DLG2: variants seen among roughly 807,000 people sequenced by gnomAD.
DLG2 encodes the protein disks large homolog 2.
A neutral mutation model predicts 132.5 loss-of-function variants in DLG2; 45 were observed. The observed-to-expected ratio is 0.34, with a 90% confidence interval of 0.27 to 0.44. The LOEUF (loss-of-function observed/expected upper bound fraction) is 0.44, where lower values mean the gene tolerates loss of function less well. Ranked by LOEUF, DLG2 falls within the 20% of genes least tolerant of loss-of-function variation. The probability of loss-of-function intolerance (pLI) is 1.00; values close to 1 mark genes in which losing one functional copy is unlikely to be tolerated. For missense variants in DLG2, 1,045 were observed against 1,196.9 expected, an observed-to-expected ratio of 0.87 and a Z score of 1.87; for synonymous variants, 424 against 419.6, an observed-to-expected ratio of 1.01 and a Z score of -0.13.
intron 18 of DLG2, among the ~76,000 whole-genome samples, chr11:83,696,869 C>T (rs1448709580): frequency 6.6e-6 from 1 of 152,066 alleles, no homozygotes; most frequent in African/African-American, 2.4e-5. Flanking sequence ...ACTATGGGAG[C>T]CCAAGACAAA....
chr11:84,892,846 C>G (rs545482260), intron 6 of DLG2, among the ~76,000 whole-genome samples: 42 of 152,046 alleles, frequency 2.8e-4, no homozygotes, highest in African/African-American at 9.4e-4. Context: ...ACTTGCCAAC[C>G]CTAGCAACTT....
intron 6 of DLG2, among the ~76,000 whole-genome samples, chr11:84,931,254 C>G (rs1036249399): frequency 6.6e-6 from 1 of 151,886 alleles, no homozygotes; most frequent in South Asian, 2.1e-4. Context: ...ATTTCATCAC[C>G]CAGGTATTAA....
chr11:83,922,821 T>A (rs2078199093), intron 15 of DLG2, among the ~76,000 whole-genome samples: 1 of 152,128 alleles, frequency 6.6e-6, no homozygotes, highest in African/African-American at 2.4e-5. Flanking sequence ...GCAAAATTAA[T>A]GAGATTATTA....
chr11:84,679,163 CA>C (rs56292714), intron 6 of DLG2, among the ~76,000 whole-genome samples: 24 of 151,002 alleles, frequency 1.6e-4, no homozygotes, highest in African/African-American at 5.3e-4. Context: ...AAATAAAAGA[CA>C]AAAAAAACAA....
At position 83,893,510 on chromosome 11, in the gene DLG2, C is replaced by T. The variant is rs375900857; in HGVS notation, c.1497-19022G>A. On this transcript the variant is annotated intron_variant, in intron 15 of 27. Coordinates refer to ENST00000376104, the MANE Select transcript of DLG2 (RefSeq NM_001142699.3). ...TGATTGCTTTACCCCAGGTTTTCTC[C>T]TGGACACCTCCTTTTCATTCAGATC... Among the ~76,000 whole-genome samples the T allele has an allele frequency of 1.1e-4, 16 of 152,338 alleles. No individual in the cohort carries two copies. The South Asian group carries it at 3.1e-3, about 30-fold the overall frequency.
intron 17 of DLG2, among the ~76,000 whole-genome samples, chr11:83,826,575 C>T (rs2052849109): frequency 6.6e-6 from 1 of 152,154 alleles, no homozygotes; most frequent in Non-Finnish European, 1.5e-5. Flanking sequence ...GAGGCAACTT[C>T]CACATGGTTT....
chr11:85,039,991 G>C (rs1007466355), intron 6 of DLG2, among the ~76,000 whole-genome samples: 14 of 151,826 alleles, frequency 9.2e-5, no homozygotes, highest in Non-Finnish European at 1.9e-4. Context: ...ATCTGGGGGA[G>C]AGCCTAACAA....
At chr11:85,347,238 T>C (rs189676613) in intron 3 of DLG2, among the ~76,000 whole-genome samples, 3 of 152,176 alleles carry the variant, frequency 2.0e-5, no homozygotes, top group African/African-American at 7.2e-5. Context: ...CTCAGAATCA[T>C]GCTCCCCCTA....
chr11:85,176,766 GA>G (rs1178481443), intron 4 of DLG2, among the ~76,000 whole-genome samples: 1 of 151,628 alleles, frequency 6.6e-6, no homozygotes, highest in African/African-American at 2.4e-5. Context: ...AAATTTACAA[GA>G]AAAAACAACT....
intron 9 of DLG2, among the ~76,000 whole-genome samples, chr11:84,121,718 C>T (rs1019475415): frequency 2.0e-5 from 3 of 151,402 alleles, no homozygotes; most frequent in African/African-American, 4.8e-5. Flanking sequence ...CCCACCACCA[C>T]GCCTGGCTAA....
At chr11:84,426,230 G>A (rs1016062307) in intron 7 of DLG2, among the ~76,000 whole-genome samples, 5 of 152,102 alleles carry the variant, frequency 3.3e-5, no homozygotes, top group Non-Finnish European at 5.9e-5. Flanking sequence ...CAATGAGGCC[G>A]AAGTTTGGAA....
At chr11:84,594,978 G>T (rs1452297050) in intron 6 of DLG2, among the ~76,000 whole-genome samples, 1 of 152,128 alleles carries the variant, frequency 6.6e-6, no homozygotes, top group Non-Finnish European at 1.5e-5. Flanking sequence ...AAAGTTATTT[G>T]GGATCATGTA....
intron 12 of DLG2, among the ~76,000 whole-genome samples, chr11:83,974,308 C>T (rs2091873060): frequency 6.6e-6 from 1 of 152,030 alleles, no homozygotes; most frequent in Admixed American, 6.6e-5. Context: ...TCAGTCATCA[C>T]AACTAATACT....
intron 12 of DLG2, among the ~76,000 whole-genome samples, chr11:83,966,961 G>T (rs771188048): frequency 1.3e-5 from 2 of 151,834 alleles, no homozygotes; most frequent in African/African-American, 4.8e-5. Flanking sequence ...TATTTTTTAA[G>T]ATTCCACATA....
Position 84,934,516 on chromosome 11 carries a change from T to G in DLG2, c.357+177145A>C, listed in dbSNP as rs202066099. Among the ~76,000 whole-genome samples the G allele has an allele frequency of 6.1e-4, 30 of 48,818 alleles. 1 individual carries two copies. The East Asian group carries it at 9.7e-3, about 16-fold the overall frequency. 32.0% of individuals were successfully genotyped at this position (48,818 alleles called of 152,430 possible). Reference sequence around the variant, plus strand: ...TATGGTCCTGGGTGTTTTTTTTTTGTTTTGTTTTGTTTTTTTTTTTTTTTT... The same window carrying G: ...TATGGTCCTGGGTGTTTTTTTTTTGGTTTGTTTTGTTTTTTTTTTTTTTTT... On this transcript the variant is annotated intron_variant, in intron 6 of 27. Transcript: ENST00000376104.
chr11:84,118,844 C>G (rs2093766560), intron 9 of DLG2, among the ~76,000 whole-genome samples: 1 of 152,268 alleles, frequency 6.6e-6, no homozygotes, highest in Middle Eastern at 3.4e-3. Flanking sequence ...CAAGGGTAAG[C>G]AGAACTCACA....
intron 6 of DLG2, among the ~76,000 whole-genome samples, chr11:84,972,807 C>T (rs1344534957): frequency 1.3e-5 from 2 of 152,148 alleles, no homozygotes; most frequent in East Asian, 1.9e-4. Flanking sequence ...AAACAGCTCC[C>T]CTGGACCCTC....
chr11:83,646,364 A>C (rs2068174965), intron 18 of DLG2, among the ~76,000 whole-genome samples: 1 of 151,968 alleles, frequency 6.6e-6, no homozygotes, highest in African/African-American at 2.4e-5. Flanking sequence ...AAACAGAGAG[A>C]GAGAGAGAGA....
At chr11:84,916,136 G>A (rs2092441032) in intron 6 of DLG2, among the ~76,000 whole-genome samples, 1 of 151,784 alleles carries the variant, frequency 6.6e-6, no homozygotes, top group Non-Finnish European at 1.5e-5. Flanking sequence ...ACGAGGTCAG[G>A]AGATCGAGAC....
Sources: gnomAD v4.1 joint callset for allele counts (sites outside exome capture counted in the v4.1 genomes callset) on GRCh38, gnomAD v4.1.1 for gene constraint, MANE v1.5 for transcripts, NCBI Gene and HGNC (gene_info 2026-07-23, HGNC 2026-07-21) for gene names.